VKORC1L1: variants seen among roughly 807,000 people sequenced by gnomAD.
VKORC1L1 encodes the protein vitamin K epoxide reductase complex subunit 1L1.
Under a neutral mutation model 18.9 loss-of-function variants are expected in VKORC1L1, and 2 were observed. That is an observed-to-expected ratio of 0.11 (90% CI 0.04 to 0.33). VKORC1L1 has a LOEUF of 0.33. Ranked by LOEUF, VKORC1L1 falls within the 10% of genes least tolerant of loss-of-function variation. VKORC1L1 has a pLI of 1.00. For synonymous variants in VKORC1L1, 96 were observed against 100.0 expected (o/e 0.96, Z 0.24); for missense variants, 123 against 224.1 (o/e 0.55, Z 2.88).
At chr7:65,888,319 G>A (rs1169449440) in intron 1 of VKORC1L1, among the ~76,000 whole-genome samples, 1 of 152,114 alleles carries the variant, frequency 6.6e-6, no homozygotes, top group Non-Finnish European at 1.5e-5. Flanking sequence ...CTAGGACTTG[G>A]GCACCAAACT....
intron 1 of VKORC1L1, among the ~76,000 whole-genome samples, chr7:65,903,595 A>G (rs1438650368): frequency 6.6e-6 from 1 of 152,174 alleles, no homozygotes; most frequent in Non-Finnish European, 1.5e-5. Flanking sequence ...GACATGGCGA[A>G]AGCCTATCTC....
intron 1 of VKORC1L1, among the ~76,000 whole-genome samples, chr7:65,939,650 C>G (rs1042248208): frequency 6.6e-6 from 1 of 152,142 alleles, no homozygotes; most frequent in Non-Finnish European, 1.5e-5. Context: ...GTAGGTATGG[C>G]AGAGGCAGAG....
intron 1 of VKORC1L1, among the ~76,000 whole-genome samples, chr7:65,908,527 A>T (rs1454796027): frequency 3.0e-4 from 46 of 151,732 alleles, no homozygotes; most frequent in Admixed American, 3.0e-3. Flanking sequence ...CAAACCACTG[A>T]AGGCAGAGTT....
intron 1 of VKORC1L1, among the ~76,000 whole-genome samples, chr7:65,887,444 G>T (rs1390260864): frequency 6.6e-6 from 1 of 151,920 alleles, no homozygotes; most frequent in Non-Finnish European, 1.5e-5. Flanking sequence ...GGCACAGTGA[G>T]TGGAAGTGTA....
intron 1 of VKORC1L1, among the ~76,000 whole-genome samples, chr7:65,913,291 T>G (rs1383073480): frequency 1.3e-5 from 2 of 152,202 alleles, no homozygotes; most frequent in Non-Finnish European, 1.5e-5. Flanking sequence ...TTAGCACTGT[T>G]GCATAGACCC....
In VKORC1L1 at chr7:65,959,499, G is replaced by T. The variant is rs1790362854; in HGVS notation, c.*5199G>T. On this transcript the variant is annotated 3_prime_UTR_variant, in exon 3 of 3. Transcript: ENST00000360768. The stretch of plus-strand genomic sequence containing the variant: ...TACAGAAGCTCTAGATTCCTAATTG[G>T]AACTGACTACACTCATTTTTAAAAA... The T allele has an allele frequency of 6.6e-6, 1 of 152,166 alleles. No individual in the cohort carries two copies. The highest frequency in any genetic ancestry group is 1.5e-5 in the Non-Finnish European group (1 of 68,048). The allele number at this position is 152,166 out of a possible 1,614,324, so 9.4% of individuals were successfully genotyped here. A position where few individuals can be genotyped will look rare whatever the true frequency, so the allele number is the denominator to read the frequency against.
At chr7:65,917,966 C>T (rs908178008) in intron 1 of VKORC1L1, among the ~76,000 whole-genome samples, 4 of 152,094 alleles carry the variant, frequency 2.6e-5, no homozygotes, top group East Asian at 1.9e-4. Context: ...TGGGCAGGGT[C>T]GCGATAGGTT....
upstream of VKORC1L1, among the ~76,000 whole-genome samples, chr7:65,870,757 T>A (rs565670402): frequency 2.6e-4 from 39 of 152,238 alleles, no homozygotes; most frequent in Middle Eastern, 3.4e-3. Flanking sequence ...TTAAAATCAT[T>A]AGGGATGTAG....
At chr7:65,900,071 G>C (rs1006634151) in intron 1 of VKORC1L1, among the ~76,000 whole-genome samples, 2 of 96,182 alleles carry the variant, frequency 2.1e-5, no homozygotes, top group African/African-American at 6.2e-5. Context: ...GTGTGTGTGT[G>C]TGTGTGTGTG....
chr7:65,898,279 G>T (rs1789251929), intron 1 of VKORC1L1, among the ~76,000 whole-genome samples: 1 of 151,648 alleles, frequency 6.6e-6, no homozygotes, highest in Non-Finnish European at 1.5e-5. Context: ...TAGAGACGGG[G>T]TTTCACCATC....
intron 1 of VKORC1L1, among the ~76,000 whole-genome samples, chr7:65,891,684 C>A (rs766371514): frequency 2.0e-5 from 3 of 151,988 alleles, no homozygotes; most frequent in Non-Finnish European, 2.9e-5. Context: ...ATTATGGATA[C>A]ATAATAGCCA....
Position 65,896,350 on chromosome 7 carries a change from G to T in VKORC1L1, c.194+22785G>T, listed in dbSNP as rs572397168. The stretch of plus-strand genomic sequence containing the variant: ...TATTTTGGCTAAAGTGAATAAAACT[G>T]CTAAGAACATTTATACATGTTTGGT... On this transcript the variant is annotated intron_variant, in intron 1 of 2. Transcript: ENST00000360768. 3.3e-5 allele frequency among the ~76,000 whole-genome samples: 5 copies of T among 152,196 alleles called. No individual in the cohort carries two copies. The South Asian group carries it at 1.0e-3, about 32-fold the overall frequency.
chr7:65,932,663 T>C (rs918300388), intron 1 of VKORC1L1, among the ~76,000 whole-genome samples: 2 of 152,258 alleles, frequency 1.3e-5, no homozygotes, highest in Admixed American at 6.5e-5. Flanking sequence ...TTAATTCTAT[T>C]ATGGTCAGAG....
chr7:65,929,231 A>C (rs1333989281), intron 1 of VKORC1L1, among the ~76,000 whole-genome samples: 2 of 152,112 alleles, frequency 1.3e-5, no homozygotes, highest in African/African-American at 2.4e-5. Flanking sequence ...CAACATGGTG[A>C]AACCTCATCT....
chr7:65,956,792 T>G lies in VKORC1L1; in HGVS notation c.*2492T>G, dbSNP rs1482863308. 2 of 152,204 alleles carry G rather than the reference T, an allele frequency of 1.3e-5. No individual in the cohort carries two copies. Among genetic ancestry groups the G allele is most frequent in the African/African-American group, 2.4e-5 (1 of 41,450 alleles). 9.4% of individuals were successfully genotyped at this position (152,204 alleles called of 1,614,324 possible). ...AATTAGAAGATTGTTTTGCCTGTTT[T>G]AGACTGAATATTTGAACACTGCAGC... On this transcript the variant is annotated 3_prime_UTR_variant, in exon 3 of 3. Transcript: ENST00000360768.
chr7:65,931,623 T>C (rs925247196), intron 1 of VKORC1L1, among the ~76,000 whole-genome samples: 1 of 152,112 alleles, frequency 6.6e-6, no homozygotes, highest in African/African-American at 2.4e-5. Context: ...TCAATAAAGG[T>C]TAGCTAGAGG....
At position 65,946,570 on chromosome 7, in the gene VKORC1L1, G is replaced by C. The variant is rs539655073; in HGVS notation, c.195-2101G>C. ...GAGTGATTGTGCTTTAAAAATTTCA[G>C]AAGCACTGATCTAGAGTTTCCCCTT... is the stretch of plus-strand genomic sequence containing the variant. On this transcript the variant is annotated intron_variant, in intron 1 of 2. Coordinates refer to ENST00000360768, the MANE Select transcript of VKORC1L1 (RefSeq NM_173517.6). Among the ~76,000 whole-genome samples the C allele has an allele frequency of 3.3e-5, 5 of 152,250 alleles. No homozygotes were observed. The South Asian group carries it at 1.0e-3, about 32-fold the overall frequency.
rs1224923258 is a variant in VKORC1L1 at position 65,955,704 on chromosome 7, T to C, written c.*1404T>C. The C allele has an allele frequency of 6.6e-6, 1 of 152,246 alleles. No individual in the cohort carries two copies. Among genetic ancestry groups the C allele is most frequent in the Non-Finnish European group, 1.5e-5 (1 of 68,042 alleles). 9.4% of individuals were successfully genotyped at this position (152,246 alleles called of 1,614,324 possible). ...GTGTCCTTCCCTCCTTTCTTCACCG[T>C]CAGGTAGAAAACCTGCACTCTGCAG... is the stretch of plus-strand genomic sequence containing the variant. On this transcript the variant is annotated 3_prime_UTR_variant, in exon 3 of 3. Coordinates refer to ENST00000360768, the MANE Select transcript of VKORC1L1 (RefSeq NM_173517.6).
intron 1 of VKORC1L1, among the ~76,000 whole-genome samples, chr7:65,921,921 C>A (rs1300056591): frequency 6.6e-6 from 1 of 152,018 alleles, no homozygotes; most frequent in African/African-American, 2.4e-5. Flanking sequence ...CTCCTGGCCT[C>A]GGGGATTCTT....
Sources: allele counts gnomAD v4.1 joint callset (sites outside exome capture counted in the v4.1 genomes callset), GRCh38; gene constraint gnomAD v4.1.1; transcripts MANE v1.5; gene names NCBI Gene and HGNC (gene_info 2026-07-23, HGNC 2026-07-21).